The following NEBL variants were observed in gnomAD, a reference collection of about 807,000 sequenced individuals.
NEBL encodes the protein nebulette.
Under a neutral mutation model 140.2 loss-of-function variants are expected in NEBL, and 122 were observed. The observed-to-expected ratio is 0.87, with a 90% CI of 0.75 to 1.01. The LOEUF (loss-of-function observed/expected upper bound fraction) is 1.01. Ranked by LOEUF, NEBL falls within the 50% of genes least tolerant of loss-of-function variation. NEBL has a pLI of 0.00. For missense variants in NEBL, 1,365 were observed against 1,231.3 expected (o/e 1.11, Z -1.62); for synonymous variants, 436 against 398.9 (o/e 1.09, Z -1.11).
chr10:21,270,881 T>C (rs1408794434), intron 1 of NEBL, among the ~76,000 whole-genome samples: 1 of 152,204 alleles, frequency 6.6e-6, no homozygotes, highest in Non-Finnish European at 1.5e-5. Flanking sequence ...GTGTACAGAA[T>C]TTGGGGACAA....
intron 2 of NEBL, among the ~76,000 whole-genome samples, chr10:21,144,876 T>C (rs747186630): frequency 3.3e-5 from 5 of 150,916 alleles, no homozygotes; most frequent in Admixed American, 1.3e-4. Flanking sequence ...GCATGGGCTC[T>C]CTCCTCTCAA....
intron 2 of NEBL, among the ~76,000 whole-genome samples, chr10:21,097,223 G>T (rs1002061635): frequency 1.3e-5 from 2 of 149,210 alleles, no homozygotes; most frequent in African/African-American, 2.5e-5. Context: ...GAGGTCCGGG[G>T]GGGGGGTGGG....
chr10:21,047,550 AT>A (rs1037740653), intron 2 of NEBL, among the ~76,000 whole-genome samples: 1 of 151,868 alleles, frequency 6.6e-6, no homozygotes, highest in South Asian at 2.1e-4. Context: ...AAAAAAAAAG[AT>A]TTTTTTTAAC....
At chr10:20,891,059 G>C (rs1355589324) in intron 2 of NEBL, among the ~76,000 whole-genome samples, 2 of 152,166 alleles carry the variant, frequency 1.3e-5, no homozygotes. Flanking sequence ...TAGAGGATGT[G>C]AATAATATTG....
At chr10:21,203,991 T>C (rs1405688073) in intron 3 of NEBL, among the ~76,000 whole-genome samples, 1 of 152,214 alleles carries the variant, frequency 6.6e-6, no homozygotes, top group African/African-American at 2.4e-5. Context: ...AATAAGCCTA[T>C]CTACCCAGTC....
chr10:21,082,763 T>TTTTTTA (rs1446479815), intron 2 of NEBL, among the ~76,000 whole-genome samples: 1 of 140,350 alleles, frequency 7.1e-6, no homozygotes, highest in Non-Finnish European at 1.5e-5. Context: ...AGGGATGCAT[T>TTTTTTA]TTTTTTTTTT....
chr10:20,921,118 A>G (rs926299054), intron 4 of NEBL, among the ~76,000 whole-genome samples: 1 of 152,208 alleles, frequency 6.6e-6, no homozygotes, highest in African/African-American at 2.4e-5. Flanking sequence ...CAGAAAGTGA[A>G]GTTATGCCTT....
chr10:21,120,794 G>T (rs771480652), intron 2 of NEBL, among the ~76,000 whole-genome samples: 3 of 151,878 alleles, frequency 2.0e-5, no homozygotes, highest in African/African-American at 7.2e-5. Flanking sequence ...CCCAAGTGAG[G>T]TCTGAAGTCA....
At position 21,109,114 on chromosome 10, in the gene NEBL, A is replaced by G. The variant is rs190109527; in HGVS notation, c.164+63269T>C. 9.8e-4 allele frequency among the ~76,000 whole-genome samples: 149 copies of G among 152,280 alleles called. 2 individuals are homozygous for G. In the East Asian group the frequency reaches 0.028, roughly 28 times the overall value. On this transcript the variant is annotated intron_variant, in intron 2 of 6. Coordinates refer to the NEBL transcript ENST00000417816. Reference sequence around the variant, plus strand: ...GAATGCTTCCAGCTTTTGCCCATTCAGTATGATATTGGCTGTGGGTTTGTC... The same window carrying G: ...GAATGCTTCCAGCTTTTGCCCATTCGGTATGATATTGGCTGTGGGTTTGTC...
At chr10:21,114,519 G>A (rs1303798000) in intron 2 of NEBL, among the ~76,000 whole-genome samples, 1 of 152,040 alleles carries the variant, frequency 6.6e-6, no homozygotes, top group East Asian at 1.9e-4. Flanking sequence ...CAAGAGTAAG[G>A]TGTTGAAATC....
upstream of NEBL, chr10:20,899,539 A>G (rs552012815): frequency 1.5e-4 from 97 of 634,210 alleles, 3 homozygotes; most frequent in South Asian, 1.9e-3. Context: ...CAAATTTTCC[A>G]TTTGAGATTC....
chr10:20,814,015 A>T lies in NEBL; in HGVS notation c.2270T>A (p.Met757Lys), dbSNP rs1337593963. The change falls in exon 23 of 28, where the codon ATG becomes AAG. Residue 757 changes from methionine (M) to lysine (K), a missense_variant. By Grantham distance (95) the Met-to-Lys change is moderately conservative (BLOSUM62 -1). Coordinates refer to ENST00000377122, the MANE Select transcript of NEBL (RefSeq NM_006393.3). The stretch of plus-strand genomic sequence containing the variant: ...TAAAATCAGACTTGGTCTACCTTTC[A>T]TCTGTTTATGGTCCTGGGTATATTT... Reference protein sequence around the residue: ...SVKYTQDHKQMKGRPSLILDT... With the variant: ...SVKYTQDHKQKKGRPSLILDT... 6.2e-7 allele frequency: 1 copy of T among 1,609,172 alleles called. No homozygotes were observed. Among genetic ancestry groups the T allele is most frequent in the Admixed American group, 1.7e-5 (1 of 59,996 alleles).
At chr10:21,127,799 C>T (rs1330981666) in intron 2 of NEBL, among the ~76,000 whole-genome samples, 2 of 152,102 alleles carry the variant, frequency 1.3e-5, no homozygotes. Context: ...ATTTAAGAGA[C>T]AAAGCTGCCA....
At chr10:21,176,202 G>T (rs570764872), upstream of NEBL, among the ~76,000 whole-genome samples, 2 of 151,846 alleles carry the variant, frequency 1.3e-5, no homozygotes, top group African/African-American at 4.8e-5. Flanking sequence ...GGGATCTTGC[G>T]GTGTTGCCCA....
In NEBL at chr10:20,947,184, T is replaced by C. The variant is rs138589848; in HGVS notation, c.357+14488A>G. Among the ~76,000 whole-genome samples, 224 of 152,196 alleles carry C rather than the reference T, an allele frequency of 1.5e-3. 1 individual carries two copies. Among genetic ancestry groups the C allele is most frequent in the African/African-American group, 5.3e-3 (219 of 41,530 alleles). The stretch of plus-strand genomic sequence containing the variant: ...GCCTGTGGATGTGAGTTTCAAAGAG[T>C]CATATGTCGAAAACAAAAGGCAACC... On this transcript the variant is annotated intron_variant, in intron 4 of 6. Transcript: ENST00000417816.
chr10:21,235,473 C>T (rs1288403518), intron 3 of NEBL, among the ~76,000 whole-genome samples: 1 of 152,146 alleles, frequency 6.6e-6, no homozygotes, highest in Non-Finnish European at 1.5e-5. Context: ...TGAGACCACG[C>T]CCAGCTAATT....
intron 4 of NEBL, among the ~76,000 whole-genome samples, chr10:20,902,444 A>G (rs1362720845): frequency 6.6e-6 from 1 of 152,130 alleles, no homozygotes; most frequent in Non-Finnish European, 1.5e-5. Context: ...TTCCATATGT[A>G]TATTCCCCTT....
At chr10:20,894,075 A>T (rs1847241169) in intron 2 of NEBL, among the ~76,000 whole-genome samples, 1 of 152,162 alleles carries the variant, frequency 6.6e-6, no homozygotes, top group South Asian at 2.1e-4. Flanking sequence ...TGATTATTAC[A>T]TATTGGTTAT....
intron 1 of NEBL, among the ~76,000 whole-genome samples, chr10:21,274,709 A>T (rs1033388335): frequency 3.3e-5 from 5 of 152,142 alleles, no homozygotes; most frequent in Admixed American, 3.3e-4. Context: ...TACAAGTTTG[A>T]GCCACCACAC....
Sources: gnomAD v4.1 joint callset for allele counts (sites outside exome capture counted in the v4.1 genomes callset) on GRCh38, gnomAD v4.1.1 for gene constraint, MANE v1.5 for transcripts, NCBI Gene and HGNC (gene_info 2026-07-23, HGNC 2026-07-21) for gene names.